The following VAV3 variants were observed in gnomAD, a reference collection of about 807,000 sequenced individuals.
The protein encoded by VAV3 is vav guanine nucleotide exchange factor 3.
VAV3 carries 94 observed loss-of-function variants against 131.2 expected under a neutral mutation model. That is an observed-to-expected ratio of 0.72 (90% CI 0.61 to 0.85). VAV3 has a LOEUF of 0.85. Among genes scored for constraint, VAV3 ranks in the 40% least tolerant of loss-of-function variants. VAV3 has a pLI of 0.00. For missense variants in VAV3, 939 were observed against 1,002.7 expected (o/e 0.94, Z 0.86); for synonymous variants, 349 against 342.0 (o/e 1.02, Z -0.22).
intron 15 of VAV3, among the ~76,000 whole-genome samples, chr1:107,717,872 T>C (rs1424935448): frequency 6.6e-6 from 1 of 152,212 alleles, no homozygotes; most frequent in Non-Finnish European, 1.5e-5. Flanking sequence ...TGTGGGAGTC[T>C]ATGTCTCTTT....
chr1:107,685,543 T>C, intron 18 of VAV3, among the ~76,000 whole-genome samples: 1 of 152,164 alleles, frequency 6.6e-6, no homozygotes, highest in South Asian at 2.1e-4. Context: ...TTCTTCCTCC[T>C]GAAAATCCAC....
At chr1:107,686,948 A>C (rs1233221275) in intron 18 of VAV3, among the ~76,000 whole-genome samples, 1 of 152,166 alleles carries the variant, frequency 6.6e-6, no homozygotes, top group Non-Finnish European at 1.5e-5. Flanking sequence ...TAAAAGGATA[A>C]GTGTTAAGTA....
intron 20 of VAV3, among the ~76,000 whole-genome samples, chr1:107,628,973 T>C (rs1403070688): frequency 6.6e-6 from 1 of 152,100 alleles, no homozygotes; most frequent in Non-Finnish European, 1.5e-5. Flanking sequence ...TTAGTAAGCA[T>C]GAAGTATCAC....
At chr1:107,755,963 A>AT in intron 11 of VAV3, among the ~76,000 whole-genome samples, 1 of 152,286 alleles carries the variant, frequency 6.6e-6, no homozygotes, top group South Asian at 2.1e-4. Context: ...AGACTGTTTT[A>AT]TTTTTGCAAT....
At chr1:107,719,893 G>A (rs891012351) in intron 15 of VAV3, among the ~76,000 whole-genome samples, 2 of 152,184 alleles carry the variant, frequency 1.3e-5, no homozygotes, top group African/African-American at 4.8e-5. Flanking sequence ...AAAAGGATGA[G>A]TTCATGTCCT....
intron 2 of VAV3, among the ~76,000 whole-genome samples, chr1:107,867,661 C>T (rs992337884): frequency 2.3e-4 from 35 of 152,186 alleles, no homozygotes; most frequent in African/African-American, 8.4e-4. Context: ...AGGCAAGCCT[C>T]CTACTGCTCA....
At chr1:107,701,225 A>C (rs1660111173) in intron 17 of VAV3, among the ~76,000 whole-genome samples, 1 of 152,168 alleles carries the variant, frequency 6.6e-6, no homozygotes, top group African/African-American at 2.4e-5. Context: ...ACGGATACCT[A>C]AACTTCAACT....
At chr1:107,961,815 C>T (rs145478916) in intron 1 of VAV3, among the ~76,000 whole-genome samples, 5 of 152,296 alleles carry the variant, frequency 3.3e-5, no homozygotes, top group Admixed American at 1.3e-4. Flanking sequence ...AATCAACTAA[C>T]TTATTAAGAT....
At chr1:107,616,338 C>T (rs545388337) in intron 21 of VAV3, among the ~76,000 whole-genome samples, 16 of 136,486 alleles carry the variant, frequency 1.2e-4, no homozygotes, top group East Asian at 2.1e-4. Context: ...AACACAGGAA[C>T]GGAAAAGCAA....
At chr1:107,840,576 C>T (rs548908152) in intron 2 of VAV3, among the ~76,000 whole-genome samples, 2 of 152,278 alleles carry the variant, frequency 1.3e-5, no homozygotes, top group African/African-American at 2.4e-5. Context: ...ATTCATATTT[C>T]ACAGCCTTTC....
intron 2 of VAV3, among the ~76,000 whole-genome samples, chr1:107,800,033 T>C (rs1005135576): frequency 6.6e-6 from 1 of 152,210 alleles, no homozygotes; most frequent in African/African-American, 2.4e-5. Context: ...TGTCATTCTT[T>C]ATGGTTGAAT....
intron 1 of VAV3, among the ~76,000 whole-genome samples, chr1:107,954,080 C>A (rs1674681347): frequency 6.6e-6 from 1 of 152,144 alleles, no homozygotes; most frequent in Non-Finnish European, 1.5e-5. Context: ...TTAAGGAAAA[C>A]CAGAATGTCA....
intron 15 of VAV3, among the ~76,000 whole-genome samples, chr1:107,715,022 G>A (rs1661011659): frequency 6.6e-6 from 1 of 152,112 alleles, no homozygotes; most frequent in South Asian, 2.1e-4. Flanking sequence ...AATTTAAAGT[G>A]GAAAAGATGT....
chr1:107,913,937 G>T (rs1362347881), intron 1 of VAV3, among the ~76,000 whole-genome samples: 1 of 152,142 alleles, frequency 6.6e-6, no homozygotes, highest in Admixed American at 6.5e-5. Context: ...TGGGATTACA[G>T]GCACCTGCCA....
intron 17 of VAV3, among the ~76,000 whole-genome samples, chr1:107,696,723 C>T (rs1659770848): frequency 1.3e-5 from 2 of 152,166 alleles, no homozygotes; most frequent in Non-Finnish European, 2.9e-5. Flanking sequence ...TACTCCCTTG[C>T]TTTCAATTTG....
intron 15 of VAV3, among the ~76,000 whole-genome samples, chr1:107,710,011 C>T (rs1373706565): frequency 6.6e-6 from 1 of 152,116 alleles, no homozygotes; most frequent in Non-Finnish European, 1.5e-5. Context: ...GTTAGTAATA[C>T]AATGTAAAAT....
At chr1:107,835,324 G>A (rs1444225117) in intron 2 of VAV3, among the ~76,000 whole-genome samples, 1 of 152,206 alleles carries the variant, frequency 6.6e-6, no homozygotes, top group Non-Finnish European at 1.5e-5. Flanking sequence ...CTGGTGCCAA[G>A]CAGCTAAAGG....
intron 15 of VAV3, among the ~76,000 whole-genome samples, chr1:107,736,786 A>G (rs1165533172): frequency 6.6e-6 from 1 of 152,164 alleles, no homozygotes; most frequent in African/African-American, 2.4e-5. Flanking sequence ...TGCCCAAGGT[A>G]ATTTATAGAT....
Position 107,793,086 on chromosome 1 carries a change from G to T in VAV3, c.322-13594C>A, listed in dbSNP as rs1441738619. Among the ~76,000 whole-genome samples the T allele has an allele frequency of 2.6e-5, 4 of 152,274 alleles. No individual in the cohort carries two copies. The East Asian group carries it at 7.7e-4, about 29-fold the overall frequency. ...TGCACACATGTACACACACATACCA[G>T]AATCTGTGCTGAGCATTCTGCAGAC... On this transcript the variant is annotated intron_variant, in intron 2 of 26. Coordinates refer to ENST00000370056, the MANE Select transcript of VAV3 (RefSeq NM_006113.5).
Sources: allele counts gnomAD v4.1 joint callset (sites outside exome capture counted in the v4.1 genomes callset), GRCh38; gene constraint gnomAD v4.1.1; transcripts MANE v1.5; gene names NCBI Gene and HGNC (gene_info 2026-07-23, HGNC 2026-07-21).